UNC13C: variants seen among roughly 807,000 people sequenced by gnomAD.
The protein encoded by UNC13C is unc-13 homolog C.
In UNC13C, 174 loss-of-function variants were observed where a neutral mutation model predicts 245.4. That is an observed-to-expected ratio of 0.71 (90% CI 0.63 to 0.80). The LOEUF is 0.80. Ranked by LOEUF, UNC13C falls within the 30% of genes least tolerant of loss-of-function variation. UNC13C has a pLI of 0.00. For missense variants in UNC13C, 2,829 were observed against 2,602.9 expected, an observed-to-expected ratio of 1.09 and a Z score of -1.89; for synonymous variants, 992 against 895.1, an observed-to-expected ratio of 1.11 and a Z score of -1.93.
chr15:54,437,985 C>T (rs1292278285), intron 19 of UNC13C, among the ~76,000 whole-genome samples: 1 of 151,854 alleles, frequency 6.6e-6, no homozygotes, highest in African/African-American at 2.4e-5. Context: ...AAAACTCTTA[C>T]ATTTTTCTAG....
chr15:53,867,816 A>G, the UNC13C span, among the ~76,000 whole-genome samples: 3 of 152,130 alleles, frequency 2.0e-5, no homozygotes, highest in African/African-American at 7.2e-5. Context: ...TTCAAGGTTA[A>G]ATAACAAATT....
intron 2 of UNC13C, among the ~76,000 whole-genome samples, chr15:54,068,124 G>T (rs1898154021): frequency 6.6e-6 from 1 of 152,130 alleles, no homozygotes; most frequent in South Asian, 2.1e-4. Context: ...AGCTCCTGTA[G>T]TCAGTGTTAA....
At chr15:53,955,266 T>TACACACACACACACACACACAC in the UNC13C span, among the ~76,000 whole-genome samples, 4 of 149,574 alleles carry the variant, frequency 2.7e-5, no homozygotes, top group African/African-American at 9.9e-5. Context: ...GACTTTTTCT[T>TACACACACACACACACACACAC]ACACACACAC....
At chr15:54,226,046 T>G (rs1296938638) in intron 4 of UNC13C, among the ~76,000 whole-genome samples, 1 of 152,206 alleles carries the variant, frequency 6.6e-6, no homozygotes, top group Admixed American at 6.5e-5. Context: ...AAGGCCTTTT[T>G]GCATCTGTTG....
At chr15:54,605,956 C>T (rs1250024521) in intron 30 of UNC13C, among the ~76,000 whole-genome samples, 1 of 152,152 alleles carries the variant, frequency 6.6e-6, no homozygotes, top group African/African-American at 2.4e-5. Context: ...CTGGGCAGAG[C>T]ACTGTCTGCC....
chr15:54,074,776 G>A (rs1198485948), intron 2 of UNC13C, among the ~76,000 whole-genome samples: 2 of 152,012 alleles, frequency 1.3e-5, no homozygotes. Flanking sequence ...AGATTTGGGG[G>A]TGAGACAATG....
chr15:54,578,245 C>G (rs1898044259), intron 30 of UNC13C, among the ~76,000 whole-genome samples: 1 of 152,160 alleles, frequency 6.6e-6, no homozygotes, highest in African/African-American at 2.4e-5. Context: ...TTTTAATGTA[C>G]TGGCAGACTA....
At chr15:54,403,994 T>G (rs1196007475) in intron 18 of UNC13C, among the ~76,000 whole-genome samples, 8 of 152,132 alleles carry the variant, frequency 5.3e-5, no homozygotes, top group African/African-American at 1.9e-4. Flanking sequence ...TTAATAAAAT[T>G]TATGCTTAGT....
At chr15:54,483,277 G>T (rs11636573) in intron 19 of UNC13C, among the ~76,000 whole-genome samples, 62,779 of 151,910 alleles carry the variant, frequency 0.41, 13,250 homozygotes, top group East Asian at 0.63. Flanking sequence ...TGTCAACATA[G>T]GCCAGCCAGG....
At chr15:54,175,734 A>T (rs1233674677) in intron 4 of UNC13C, among the ~76,000 whole-genome samples, 1 of 152,048 alleles carries the variant, frequency 6.6e-6, no homozygotes, top group Non-Finnish European at 1.5e-5. Flanking sequence ...AAATACACAG[A>T]AACTGGTAGT....
intron 13 of UNC13C, among the ~76,000 whole-genome samples, chr15:54,310,805 T>G (rs1567178004): frequency 6.6e-6 from 1 of 151,264 alleles, no homozygotes; most frequent in Admixed American, 6.6e-5. Flanking sequence ...CACACACACA[T>G]GCACACACAC....
chr15:54,386,214 A>C (rs1162273908), intron 17 of UNC13C, among the ~76,000 whole-genome samples: 2 of 152,200 alleles, frequency 1.3e-5, no homozygotes, highest in Admixed American at 6.5e-5. Flanking sequence ...AAATTAAGAT[A>C]ACCCTCAGTT....
intron 10 of UNC13C, among the ~76,000 whole-genome samples, chr15:54,288,450 C>G (rs2037206223): frequency 6.6e-6 from 1 of 151,782 alleles, no homozygotes; most frequent in Admixed American, 6.6e-5. Flanking sequence ...CCAGGAAATC[C>G]AGGCATGTGG....
chr15:54,501,532 G>T (rs1894214778), intron 22 of UNC13C, among the ~76,000 whole-genome samples: 1 of 152,098 alleles, frequency 6.6e-6, no homozygotes, highest in Non-Finnish European at 1.5e-5. Flanking sequence ...CTTACCATGT[G>T]CTTACTACTT....
chr15:54,442,518 C>T (rs1567275209), intron 19 of UNC13C, among the ~76,000 whole-genome samples: 1 of 152,032 alleles, frequency 6.6e-6, no homozygotes, highest in African/African-American at 2.4e-5. Flanking sequence ...TCACCACGCT[C>T]AGCCCCAGTT....
intron 1 of UNC13C, among the ~76,000 whole-genome samples, chr15:54,005,582 A>G (rs1895099141): frequency 6.6e-6 from 1 of 152,264 alleles, no homozygotes; most frequent in Non-Finnish European, 1.5e-5. Context: ...AACATATGTA[A>G]GAGCTGTTTG....
At chr15:53,863,917 A>C in the UNC13C span, among the ~76,000 whole-genome samples, 1 of 152,138 alleles carries the variant, frequency 6.6e-6, no homozygotes, top group African/African-American at 2.4e-5. Flanking sequence ...GGAGTCCACG[A>C]TGTAGCCCCA....
At chr15:53,993,925 A>AT (rs1200592702) in intron 1 of UNC13C, among the ~76,000 whole-genome samples, 1 of 152,038 alleles carries the variant, frequency 6.6e-6, no homozygotes, top group Non-Finnish European at 1.5e-5. Flanking sequence ...GAAGAGAGAG[A>AT]TTTTACCTTC....
chr15:53,979,401 A>G (rs1008336019), intron 1 of UNC13C, among the ~76,000 whole-genome samples: 5 of 124,122 alleles, frequency 4.0e-5, no homozygotes, highest in South Asian at 5.1e-4. Context: ...AGCTTTACCA[A>G]TGATTTTTTT....
Sources: gnomAD v4.1 joint callset for allele counts (sites outside exome capture counted in the v4.1 genomes callset) on GRCh38, gnomAD v4.1.1 for gene constraint, MANE v1.5 for transcripts, NCBI Gene and HGNC (gene_info 2026-07-23, HGNC 2026-07-21) for gene names.